The following RPS6KA2 variants were observed in gnomAD, a reference collection of about 807,000 sequenced individuals.
The protein encoded by RPS6KA2 is ribosomal protein S6 kinase A2.
A neutral mutation model predicts 91.8 loss-of-function variants in RPS6KA2; 42 were observed. The ratio of observed to expected loss-of-function variants is 0.46; its 90% CI spans 0.36 to 0.59. The LOEUF (loss-of-function observed/expected upper bound fraction) is 0.59, where lower values mean the gene tolerates loss of function less well. RPS6KA2 is among the 20% of genes least tolerant of loss of function. The probability of loss-of-function intolerance (pLI) is 0.00; values close to 1 mark genes in which losing one functional copy is unlikely to be tolerated. For missense variants in RPS6KA2, 798 were observed against 978.5 expected (o/e 0.82, Z 2.46); for synonymous variants, 414 against 393.6 (o/e 1.05, Z -0.61).
chr6:166,517,474 T>A (rs1344793123), intron 3 of RPS6KA2, among the ~76,000 whole-genome samples: 1 of 61,374 alleles, frequency 1.6e-5, no homozygotes, highest in East Asian at 8.9e-4. Flanking sequence ...TTTTTTTTTT[T>A]TTTTTTTTTT....
intron 2 of RPS6KA2, among the ~76,000 whole-genome samples, chr6:166,797,859 G>A (rs187821324): frequency 1.7e-4 from 26 of 152,236 alleles, no homozygotes; most frequent in Middle Eastern, 3.4e-3. Flanking sequence ...TGTAACCGCC[G>A]GGTCCAGACA....
intron 1 of RPS6KA2, among the ~76,000 whole-genome samples, chr6:166,550,972 G>T (rs1188012030): frequency 8.2e-6 from 1 of 121,384 alleles, no homozygotes; most frequent in African/African-American, 2.9e-5. Context: ...CTCCAGCCTG[G>T]CAACAGAGCC....
At chr6:166,516,780 G>A (rs1782658570) in intron 3 of RPS6KA2, among the ~76,000 whole-genome samples, 1 of 152,210 alleles carries the variant, frequency 6.6e-6, no homozygotes, top group South Asian at 2.1e-4. Flanking sequence ...CTCCTCTTCT[G>A]GGTGAAGTCC....
chr6:166,730,536 C>G (rs958427811), intron 2 of RPS6KA2, among the ~76,000 whole-genome samples: 1 of 152,116 alleles, frequency 6.6e-6, no homozygotes, highest in Admixed American at 6.5e-5. Flanking sequence ...TAGAATGCTG[C>G]GTGTCATAGA....
chr6:166,791,650 A>T (rs1779093669), intron 2 of RPS6KA2, among the ~76,000 whole-genome samples: 1 of 152,138 alleles, frequency 6.6e-6, no homozygotes, highest in Admixed American at 6.5e-5. Flanking sequence ...AAGAACAGAA[A>T]TTACAACAAA....
At chr6:166,837,553 C>A (rs534399448) in intron 2 of RPS6KA2, among the ~76,000 whole-genome samples, 5 of 152,240 alleles carry the variant, frequency 3.3e-5, no homozygotes, top group Non-Finnish European at 7.3e-5. Flanking sequence ...GTCCCCTCCC[C>A]CTGCGAGAAG....
intron 16 of RPS6KA2, among the ~76,000 whole-genome samples, chr6:166,428,009 C>T (rs1360972059): frequency 6.6e-6 from 1 of 151,524 alleles, no homozygotes; most frequent in Non-Finnish European, 1.5e-5. Flanking sequence ...AATCCTAAGC[C>T]AAAAGAACAA....
intron 2 of RPS6KA2, among the ~76,000 whole-genome samples, chr6:166,660,381 TGTATGG>T (rs1788129778): frequency 2.7e-5 from 4 of 146,490 alleles, no homozygotes; most frequent in East Asian, 4.0e-4. Flanking sequence ...TGTGTGCATG[TGTATGG>T]GCATGCGTGC....
At chr6:166,620,337 A>G (rs1233324078) in intron 1 of RPS6KA2, among the ~76,000 whole-genome samples, 1 of 152,206 alleles carries the variant, frequency 6.6e-6, no homozygotes, top group Non-Finnish European at 1.5e-5. Flanking sequence ...AAGAAGAAAC[A>G]ATTCTTTTCT....
chr6:166,836,259 G>T (rs1321200544), intron 2 of RPS6KA2, among the ~76,000 whole-genome samples: 1 of 151,802 alleles, frequency 6.6e-6, no homozygotes, highest in Non-Finnish European at 1.5e-5. Flanking sequence ...GGGTAATTTT[G>T]GCTTCATAAA....
intron 2 of RPS6KA2, among the ~76,000 whole-genome samples, chr6:166,708,337 C>T (rs768187635): frequency 1.3e-5 from 2 of 152,060 alleles, no homozygotes; most frequent in African/African-American, 2.4e-5. Context: ...ATAAAGTAAA[C>T]ATTATACAGT....
chr6:166,616,553 G>C (rs1028414913), intron 1 of RPS6KA2, among the ~76,000 whole-genome samples: 2 of 152,202 alleles, frequency 1.3e-5, no homozygotes, highest in African/African-American at 4.8e-5. Context: ...ACAGCCTAGG[G>C]ACAGCCAGGC....
Position 166,831,970 on chromosome 6 carries a change from G to A in RPS6KA2, c.123+26230C>T, listed in dbSNP as rs150311740. On this transcript the variant is annotated intron_variant, in intron 2 of 21. Coordinates refer to the RPS6KA2 transcript ENST00000503859. ...GATAGATAGCTACATAGATACATAC[G>A]TAGATAATAGATACACAGATATATG... 1.0e-3 allele frequency among the ~76,000 whole-genome samples: 151 copies of A among 151,420 alleles called. No homozygotes were observed. In the Middle Eastern group the frequency reaches 0.01, roughly 10 times the overall value.
intron 1 of RPS6KA2, among the ~76,000 whole-genome samples, chr6:166,625,323 A>ACCCCCCCCC (rs1338733933): frequency 3.3e-5 from 1 of 30,392 alleles, no homozygotes; most frequent in Non-Finnish European, 6.2e-5. Context: ...TATTCCCACC[A>ACCCCCCCCC]CCCCCCCACC....
intron 2 of RPS6KA2, among the ~76,000 whole-genome samples, chr6:166,670,131 G>A (rs906985669): frequency 2.0e-5 from 3 of 152,288 alleles, no homozygotes; most frequent in South Asian, 4.1e-4. Context: ...TACACTTCCA[G>A]TCACAGGAAA....
chr6:166,604,392 GA>G (rs560497827), intron 1 of RPS6KA2, among the ~76,000 whole-genome samples: 1,733 of 146,348 alleles, frequency 0.012, 16 homozygotes, highest in African/African-American at 0.025. Context: ...GTGGAAAACT[GA>G]AAAAAAAAAA....
chr6:166,489,054 A>G, intron 9 of RPS6KA2, 133 bp from the exon 10 acceptor site: 1 of 668,964 alleles, frequency 1.5e-6, no homozygotes, highest in East Asian at 2.8e-5. Context: ...CGTGGGTCTT[A>G]GGACCCTTTT....
At chr6:166,723,457 C>A (rs1314814413) in intron 2 of RPS6KA2, among the ~76,000 whole-genome samples, 3 of 152,204 alleles carry the variant, frequency 2.0e-5, no homozygotes, top group African/African-American at 7.2e-5. Context: ...GGGGGTCCCA[C>A]ATGTATGCAC....
chr6:166,511,807 G>T (rs1239624844), intron 3 of RPS6KA2, among the ~76,000 whole-genome samples: 1 of 152,172 alleles, frequency 6.6e-6, no homozygotes, highest in Non-Finnish European at 1.5e-5. Flanking sequence ...ATTACAAACT[G>T]GGAGGATGTG....
Sources: gnomAD v4.1 joint callset for allele counts (sites outside exome capture counted in the v4.1 genomes callset) on GRCh38, gnomAD v4.1.1 for gene constraint, MANE v1.5 for transcripts, NCBI Gene and HGNC (gene_info 2026-07-23, HGNC 2026-07-21) for gene names.